HEATR5A: variants seen among roughly 807,000 people sequenced by gnomAD.
The protein encoded by HEATR5A is HEAT repeat-containing protein 5A.
HEATR5A carries 178 observed loss-of-function variants against 218.8 expected under a neutral mutation model. The observed-to-expected ratio is 0.81, with a 90% CI of 0.72 to 0.92. The LOEUF is 0.92. Among genes scored for constraint, HEATR5A ranks in the 40% least tolerant of loss-of-function variants. HEATR5A has a pLI of 0.00. For missense variants in HEATR5A, 2,420 were observed against 2,418.9 expected (o/e 1.00, Z -0.01); for synonymous variants, 864 against 871.6 (o/e 0.99, Z 0.15).
In HEATR5A at chr14:31,304,999, A is replaced by G. The variant is rs1899510238; in HGVS notation, c.5145T>C (p.Ala1715=). The G allele has an allele frequency of 5.0e-6, 8 of 1,613,968 alleles. No individual in the cohort carries two copies. Among genetic ancestry groups the G allele is most frequent in the Non-Finnish European group, 6.8e-6 (8 of 1,179,892 alleles). ...CTTCTAATAGTATCTGTGGCTTCGT[A>G]GCTTTTACTCCTGGGCTACCTGTCA... The part of the protein sequence containing the change: ...PKLTGSPGVK[A]TKPQILLEDG... Residue 1715 remains alanine, a synonymous_variant, in exon 32 of 36, where the codon GCT becomes GCC. Coordinates refer to ENST00000543095, the MANE Select transcript of HEATR5A (RefSeq NM_015473.4).
chr14:31,405,059 CAAA>C (rs386381028), intron 1 of HEATR5A, among the ~76,000 whole-genome samples: 1 of 97,902 alleles, frequency 1.0e-5, no homozygotes, highest in African/African-American at 4.2e-5. Flanking sequence ...CTGTCTCCAC[CAAA>C]AAAAAAAAAA....
intron 25 of HEATR5A, among the ~76,000 whole-genome samples, chr14:31,319,784 G>A (rs758459233): frequency 3.3e-5 from 5 of 152,176 alleles, no homozygotes; most frequent in South Asian, 2.1e-4. Flanking sequence ...GGTGGCTCAT[G>A]CCTGTAGTCC....
At chr14:31,320,379 T>A in intron 25 of HEATR5A, 2 of 984,982 alleles carry the variant, frequency 2.0e-6, no homozygotes, top group South Asian at 2.5e-5. Context: ...ACCGCTCCAA[T>A]GCCAGCCCCT....
chr14:31,293,746 A>C (rs1250655588), intron 35 of HEATR5A, 134 bp from the exon 36 acceptor site: 2 of 1,034,092 alleles, frequency 1.9e-6, no homozygotes, highest in African/African-American at 1.6e-5. Context: ...ATTAATACTA[A>C]ATAATATCAA....
At chr14:31,333,406 C>A (rs1256566878) in intron 22 of HEATR5A, among the ~76,000 whole-genome samples, 1 of 151,918 alleles carries the variant, frequency 6.6e-6, no homozygotes, top group East Asian at 2.0e-4. Context: ...CCACCATCAT[C>A]ACATCCGGCT....
intron 18 of HEATR5A, 69 bp downstream of exon 18, chr14:31,349,720 C>A: frequency 9.8e-7 from 1 of 1,019,708 alleles, no homozygotes. Context: ...TTACTAGTTC[C>A]AACAAGCCAG....
chr14:31,419,816 G>T (rs8017305), intron 1 of HEATR5A, among the ~76,000 whole-genome samples: 2 of 152,332 alleles, frequency 1.3e-5, no homozygotes, highest in East Asian at 3.9e-4. Flanking sequence ...CGAGAGTAGG[G>T]TGAAAGAAAA....
chr14:31,417,046 A>G lies in HEATR5A; in HGVS notation c.-75+3426T>C, dbSNP rs150724441. ...GAGTACACTCCAATGACTCTGTCTC[A>G]AAAAATAAAATAAAATAAAAATAAA... is the stretch of plus-strand genomic sequence containing the variant. On this transcript the variant is annotated intron_variant, in intron 1 of 35. Transcript: ENST00000543095. Among the ~76,000 whole-genome samples, 1,146 of 152,264 alleles carry G rather than the reference A, an allele frequency of 7.5e-3. 9 individuals carry two copies. Among genetic ancestry groups the G allele is most frequent in the Non-Finnish European group, 0.013 (896 of 68,016 alleles).
intron 21 of HEATR5A, among the ~76,000 whole-genome samples, chr14:31,337,954 C>T (rs947827675): frequency 1.3e-5 from 2 of 152,140 alleles, no homozygotes; most frequent in African/African-American, 4.8e-5. Flanking sequence ...GCAGTTCATA[C>T]ATTTGTGTTC....
chr14:31,315,518 C>T (rs1899885847), intron 27 of HEATR5A, among the ~76,000 whole-genome samples: 1 of 152,170 alleles, frequency 6.6e-6, no homozygotes, highest in Admixed American at 6.5e-5. Flanking sequence ...TGTTGATTTC[C>T]ACTGGCTACT....
In HEATR5A at chr14:31,418,339, G is replaced by C. The variant is rs1057340481; in HGVS notation, c.-75+2133C>G. Among the ~76,000 whole-genome samples the C allele has an allele frequency of 7.9e-5, 12 of 152,250 alleles. No individual in the cohort carries two copies. The East Asian group carries it at 2.3e-3, about 29-fold the overall frequency. ...GGGTCCACTAATTTTTTTCTGTAAA[G>C]GACCAGACAATACTCTAGGCTTTGG... is the stretch of plus-strand genomic sequence containing the variant. On this transcript the variant is annotated intron_variant, in intron 1 of 35. Transcript: ENST00000543095.
chr14:31,307,620 A>G (rs1202554039), intron 30 of HEATR5A, among the ~76,000 whole-genome samples: 1 of 152,228 alleles, frequency 6.6e-6, no homozygotes, highest in African/African-American at 2.4e-5. Context: ...GCCACATGTA[A>G]TTAGTGGCTA....
intron 28 of HEATR5A, 50 bp downstream of exon 28, chr14:31,312,918 A>G: frequency 7.0e-7 from 1 of 1,420,898 alleles, no homozygotes; most frequent in Non-Finnish European, 9.8e-7. Context: ...AAAGAAAAGA[A>G]AATGTGTTAC....
chr14:31,293,868 A>T (rs754397638), intron 35 of HEATR5A, 23 bp downstream of exon 35: 1 of 1,550,486 alleles, frequency 6.4e-7, no homozygotes. Flanking sequence ...GAGACTGAGT[A>T]TGAATTTAGT....
chr14:31,412,248 T>G (rs994240182), intron 1 of HEATR5A, among the ~76,000 whole-genome samples: 1 of 152,200 alleles, frequency 6.6e-6, no homozygotes, highest in African/African-American at 2.4e-5. Flanking sequence ...GCATTTCTGA[T>G]TAGTATTTTG....
Position 31,380,443 on chromosome 14 carries a change from T to G in HEATR5A, c.1708+24A>C, listed in dbSNP as rs368608830. The G allele has an allele frequency of 3.7e-4, 535 of 1,443,182 alleles. 1 individual carries two copies. Among genetic ancestry groups the G allele is most frequent in the South Asian group, 1.3e-3 (107 of 82,842 alleles). The allele number at this position is 1,443,182 out of a possible 1,614,324, so 89.4% of individuals were successfully genotyped here. A position where few individuals can be genotyped will look rare whatever the true frequency, so the allele number is the denominator to read the frequency against. Reference sequence around the variant, plus strand: ...AGAAAACACAAAGTATTTCAAGGTATGTAAACCTTCTACAGACTGTTACCT... The same window carrying G: ...AGAAAACACAAAGTATTTCAAGGTAGGTAAACCTTCTACAGACTGTTACCT... On this transcript the variant is annotated intron_variant, in intron 11 of 35. Transcript: ENST00000543095.
intron 3 of HEATR5A, 99 bp downstream of exon 3, chr14:31,400,202 A>C (rs1399144314): frequency 2.9e-6 from 2 of 688,914 alleles, no homozygotes; most frequent in African/African-American, 3.6e-5. Flanking sequence ...CTGAGTTTGC[A>C]TTCAGTTTCA....
chr14:31,375,081 T>C lies in HEATR5A; in HGVS notation c.1709-113A>G, dbSNP rs891295703. 1.2e-5 allele frequency: 10 copies of C among 830,254 alleles called. No homozygotes were observed. In the East Asian group the frequency reaches 2.4e-4, roughly 20 times the overall value. 51.4% of individuals were successfully genotyped at this position (830,254 alleles called of 1,614,324 possible). ...AACATTTTAATTCATTATTGCAACA[T>C]TTTGTCCCCTTTCTTATCTTCAGGT... On this transcript the variant is annotated intron_variant, in intron 11 of 35. Transcript: ENST00000543095.
At chr14:31,298,314 C>T (rs1265843253) in intron 33 of HEATR5A, among the ~76,000 whole-genome samples, 1 of 152,168 alleles carries the variant, frequency 6.6e-6, no homozygotes, top group Admixed American at 6.5e-5. Context: ...CTGTCATGAC[C>T]AACTCCTTAA....
Sources: allele counts gnomAD v4.1 joint callset (sites outside exome capture counted in the v4.1 genomes callset), GRCh38; gene constraint gnomAD v4.1.1; transcripts MANE v1.5; gene names NCBI Gene and HGNC (gene_info 2026-07-23, HGNC 2026-07-21).